DAB1: variants seen among roughly 807,000 people sequenced by gnomAD.
DAB1 encodes DAB adaptor protein 1.
In DAB1, 15 loss-of-function variants were observed where a neutral mutation model predicts 64.6. That is an observed-to-expected ratio of 0.23 (90% CI 0.16 to 0.36). DAB1 has a LOEUF of 0.36. Among genes scored for constraint, DAB1 ranks in the 10% least tolerant of loss-of-function variants. DAB1 has a pLI of 1.00. For missense variants in DAB1, 596 were observed against 706.7 expected (o/e 0.84, Z 1.78); for synonymous variants, 235 against 251.9 (o/e 0.93, Z 0.64).
intron 4 of DAB1, among the ~76,000 whole-genome samples, chr1:58,301,172 G>T (rs894051886): frequency 6.9e-6 from 1 of 145,398 alleles, no homozygotes; most frequent in African/African-American, 2.5e-5. Flanking sequence ...GTGGAGTTTT[G>T]AGTTCTGATT....
chr1:58,109,879 C>T lies in DAB1; in HGVS notation n.387+40632G>A, dbSNP rs553279144. On this transcript the variant is annotated intron_variant and non_coding_transcript_variant, in intron 5 of 20. Coordinates refer to the DAB1 transcript ENST00000485760. ...TATTTTTTGATCTGCCCACCACTGC[C>T]CCCACTCCATGTCTGAAGCCTTCTC... Among the ~76,000 whole-genome samples the T allele has an allele frequency of 1.3e-4, 20 of 151,856 alleles. 1 individual carries two copies. In the South Asian group the frequency reaches 2.3e-3, roughly 17 times the overall value.
chr1:58,261,327 C>A (rs895153637), intron 4 of DAB1, among the ~76,000 whole-genome samples: 2 of 152,134 alleles, frequency 1.3e-5, no homozygotes, highest in Non-Finnish European at 2.9e-5. Context: ...AGGACATGGC[C>A]TTAGGTCCCT....
chr1:57,642,501 T>C (rs974103516), intron 7 of DAB1, among the ~76,000 whole-genome samples: 1 of 152,216 alleles, frequency 6.6e-6, no homozygotes, highest in African/African-American at 2.4e-5. Flanking sequence ...TTGCTCAGCC[T>C]TCTTGATCTG....
At chr1:57,994,224 C>T (rs1249175361) in intron 5 of DAB1, among the ~76,000 whole-genome samples, 1 of 152,222 alleles carries the variant, frequency 6.6e-6, no homozygotes, top group Non-Finnish European at 1.5e-5. Context: ...ATATGAGGAA[C>T]TGAAGCCTGC....
At chr1:57,431,248 A>G (rs1685504462) in intron 7 of DAB1, among the ~76,000 whole-genome samples, 1 of 151,588 alleles carries the variant, frequency 6.6e-6, no homozygotes, top group Non-Finnish European at 1.5e-5. Context: ...AGAAGCATGC[A>G]TGAACAAATT....
intron 3 of DAB1, among the ~76,000 whole-genome samples, chr1:58,405,169 T>C (rs984655614): frequency 7.9e-5 from 12 of 152,140 alleles, no homozygotes; most frequent in Non-Finnish European, 1.0e-4. Context: ...CCTTTGCACT[T>C]GCTGTTTCCT....
chr1:57,670,015 C>T (rs1295207439), intron 6 of DAB1, among the ~76,000 whole-genome samples: 7 of 152,082 alleles, frequency 4.6e-5, no homozygotes, highest in Admixed American at 4.6e-4. Context: ...TAATAGCCAT[C>T]ATATTCCTAG....
At chr1:57,373,396 A>G (rs1036320370) in intron 1 of DAB1, among the ~76,000 whole-genome samples, 20 of 152,192 alleles carry the variant, frequency 1.3e-4, no homozygotes, top group African/African-American at 4.6e-4. Context: ...TCTCTAGAAG[A>G]AAGAAAAATG....
chr1:57,245,307 G>T (rs775867060), intron 2 of DAB1, among the ~76,000 whole-genome samples: 7 of 152,098 alleles, frequency 4.6e-5, no homozygotes, highest in Non-Finnish European at 8.8e-5. Context: ...TATACTTTAA[G>T]TTCTAGGGTA....
intron 2 of DAB1, among the ~76,000 whole-genome samples, chr1:57,258,805 G>A (rs1345538730): frequency 1.3e-5 from 2 of 152,212 alleles, no homozygotes; most frequent in African/African-American, 4.8e-5. Flanking sequence ...AAGGTGGGAG[G>A]TGGGGGTAGC....
intron 3 of DAB1, among the ~76,000 whole-genome samples, chr1:58,464,550 G>A (rs535826398): frequency 3.5e-4 from 54 of 152,166 alleles, no homozygotes; most frequent in Non-Finnish European, 7.8e-4. Context: ...GCCTGAACTT[G>A]GCCTTGTACT....
At chr1:57,399,591 G>A (rs1683077292) in intron 1 of DAB1, among the ~76,000 whole-genome samples, 1 of 152,130 alleles carries the variant, frequency 6.6e-6, no homozygotes, top group Admixed American at 6.6e-5. Flanking sequence ...TCAGCTCACT[G>A]GTCTAGTAAG....
At chr1:57,452,158 C>CT (rs1558394157) in intron 7 of DAB1, among the ~76,000 whole-genome samples, 7 of 83,908 alleles carry the variant, frequency 8.3e-5, no homozygotes, top group Admixed American at 5.5e-4. Context: ...TCTCTCTCTG[C>CT]ACCCCCCCTT....
chr1:57,997,768 T>A (rs1646448189), intron 5 of DAB1, among the ~76,000 whole-genome samples: 1 of 151,978 alleles, frequency 6.6e-6, no homozygotes, highest in South Asian at 2.1e-4. Context: ...AGAATCAGAA[T>A]CATTTAGTTT....
At chr1:57,909,410 T>A (rs887328268) in intron 5 of DAB1, among the ~76,000 whole-genome samples, 15 of 152,230 alleles carry the variant, frequency 9.9e-5, no homozygotes, top group Non-Finnish European at 1.9e-4. Flanking sequence ...AGCTATAATT[T>A]TATAGCAGAT....
intron 3 of DAB1, among the ~76,000 whole-genome samples, chr1:58,426,388 T>C (rs1388014303): frequency 6.6e-6 from 1 of 152,232 alleles, no homozygotes; most frequent in African/African-American, 2.4e-5. Flanking sequence ...TTTGACACTA[T>C]GCTGAAGACT....
At chr1:58,284,828 C>T (rs1195942008) in intron 4 of DAB1, among the ~76,000 whole-genome samples, 2 of 152,216 alleles carry the variant, frequency 1.3e-5, no homozygotes, top group African/African-American at 4.8e-5. Flanking sequence ...CCTGGCGATG[C>T]ACACATGAAT....
intron 2 of DAB1, among the ~76,000 whole-genome samples, chr1:57,177,181 C>T (rs1342989932): frequency 1.3e-5 from 2 of 152,058 alleles, no homozygotes; most frequent in African/African-American, 2.4e-5. Flanking sequence ...ATATATTTAA[C>T]TTTCTGTGAT....
chr1:57,967,502 A>G (rs1645696065), intron 5 of DAB1, among the ~76,000 whole-genome samples: 1 of 152,050 alleles, frequency 6.6e-6, no homozygotes, highest in Non-Finnish European at 1.5e-5. Flanking sequence ...AAGATGTGCT[A>G]CCCTTGTTCC....
Sources: allele counts gnomAD v4.1 joint callset (sites outside exome capture counted in the v4.1 genomes callset), GRCh38; gene constraint gnomAD v4.1.1; transcripts MANE v1.5; gene names NCBI Gene and HGNC (gene_info 2026-07-23, HGNC 2026-07-21).